Variants in EXOC6 observed in about 807,000 individuals in gnomAD.
The protein encoded by EXOC6 is SEC15-like 1.
A neutral mutation model predicts 112.5 loss-of-function variants in EXOC6; 60 were observed. That is an observed-to-expected ratio of 0.53 (90% CI 0.43 to 0.66). The LOEUF (loss-of-function observed/expected upper bound fraction) is 0.66. Ranked by LOEUF, EXOC6 falls within the 30% of genes least tolerant of loss-of-function variation. EXOC6 has a pLI of 0.00. For missense variants in EXOC6, 855 were observed against 957.1 expected, an observed-to-expected ratio of 0.89 and a Z score of 1.41; for synonymous variants, 295 against 308.0, an observed-to-expected ratio of 0.96 and a Z score of 0.44.
upstream of EXOC6, among the ~76,000 whole-genome samples, chr10:92,846,640 A>G (rs1476249277): frequency 1.3e-5 from 2 of 152,244 alleles, no homozygotes; most frequent in African/African-American, 2.4e-5. Flanking sequence ...ATGGATGTGT[A>G]TAGCTGGAAT....
chr10:92,845,932 CTG>C (rs896290312), upstream of EXOC6, among the ~76,000 whole-genome samples: 2 of 152,230 alleles, frequency 1.3e-5, no homozygotes, highest in Non-Finnish European at 2.9e-5. Context: ...AAGCGAAACT[CTG>C]TCTCGAAAAA....
upstream of EXOC6, among the ~76,000 whole-genome samples, chr10:92,846,705 T>C (rs1747812058): frequency 6.6e-6 from 1 of 152,236 alleles, no homozygotes; most frequent in African/African-American, 2.4e-5. Flanking sequence ...CAATGTTTTA[T>C]AGGGCCCTTC....
intron 1 of EXOC6, among the ~76,000 whole-genome samples, chr10:92,867,112 A>G (rs1848211995): frequency 6.6e-6 from 1 of 152,142 alleles, no homozygotes; most frequent in Non-Finnish European, 1.5e-5. Context: ...CAAGAGATGT[A>G]AGAGTCACAG....
chr10:93,014,566 A>C (rs928842876), intron 20 of EXOC6, among the ~76,000 whole-genome samples: 1 of 152,172 alleles, frequency 6.6e-6, no homozygotes, highest in African/African-American at 2.4e-5. Context: ...TTGATGTTCA[A>C]ATTATTTCTT....
intron 4 of EXOC6, among the ~76,000 whole-genome samples, chr10:92,896,005 A>G (rs1309855787): frequency 1.4e-5 from 2 of 142,642 alleles, no homozygotes; most frequent in Non-Finnish European, 1.5e-5. Flanking sequence ...TATTATATAT[A>G]TATGTGTATA....
intron 21 of EXOC6, 92 bp from the exon 22 acceptor site, chr10:93,058,131 G>A: frequency 8.7e-7 from 1 of 1,146,772 alleles, no homozygotes; most frequent in South Asian, 1.4e-5. Flanking sequence ...GATTAGTGTG[G>A]GATAATTCAG....
At chr10:92,973,478 G>T (rs1842376189) in intron 17 of EXOC6, among the ~76,000 whole-genome samples, 1 of 152,304 alleles carries the variant, frequency 6.6e-6, no homozygotes, top group Admixed American at 6.5e-5. Context: ...GACAATTTTT[G>T]ATAAGTTTTC....
intron 18 of EXOC6, among the ~76,000 whole-genome samples, chr10:92,980,826 A>G (rs546442279): frequency 6.6e-6 from 1 of 152,300 alleles, no homozygotes; most frequent in African/African-American, 2.4e-5. Flanking sequence ...ATAGCCAAGT[A>G]TAAAGAAGGA....
intron 18 of EXOC6, among the ~76,000 whole-genome samples, chr10:92,975,632 G>T (rs1842532328): frequency 7.6e-6 from 1 of 132,078 alleles, no homozygotes; most frequent in Non-Finnish European, 1.6e-5. Flanking sequence ...TCAGCCCCCT[G>T]CCCGGCCAGC....
chr10:92,831,600 A>AT (rs1286999623), upstream of EXOC6, among the ~76,000 whole-genome samples: 1 of 151,684 alleles, frequency 6.6e-6, no homozygotes, highest in Non-Finnish European at 1.5e-5. Flanking sequence ...TGCCTGGCTA[A>AT]TTTTTTGTAT....
intron 18 of EXOC6, among the ~76,000 whole-genome samples, chr10:92,994,567 G>C (rs1360046656): frequency 1.3e-5 from 2 of 152,004 alleles, no homozygotes; most frequent in Non-Finnish European, 2.9e-5. Flanking sequence ...TTCAGATGAG[G>C]GCAAGAGAAA....
At chr10:92,906,442 G>T (rs1367053210) in intron 5 of EXOC6, among the ~76,000 whole-genome samples, 1 of 152,146 alleles carries the variant, frequency 6.6e-6, no homozygotes, top group Non-Finnish European at 1.5e-5. Flanking sequence ...AATGAAGTAA[G>T]AACAGTGGCA....
At chr10:92,892,233 C>A (rs746367332) in intron 1 of EXOC6, among the ~76,000 whole-genome samples, 4 of 152,110 alleles carry the variant, frequency 2.6e-5, no homozygotes, top group Non-Finnish European at 5.9e-5. Flanking sequence ...CAAAAACTTT[C>A]AAAAAACTAC....
intron 1 of EXOC6, among the ~76,000 whole-genome samples, chr10:92,888,011 A>G (rs556631589): frequency 2.8e-4 from 42 of 152,308 alleles, no homozygotes; most frequent in African/African-American, 1.0e-3. Flanking sequence ...CTGGAATAGC[A>G]AATGGTTATC....
chr10:92,968,742 T>C (rs1282694417), intron 17 of EXOC6, among the ~76,000 whole-genome samples: 1 of 152,214 alleles, frequency 6.6e-6, no homozygotes, highest in Non-Finnish European at 1.5e-5. Context: ...TTTGTTTTAA[T>C]TATAGAAGCT....
At chr10:92,985,325 G>C (rs1312118403) in intron 18 of EXOC6, among the ~76,000 whole-genome samples, 1 of 152,060 alleles carries the variant, frequency 6.6e-6, no homozygotes, top group African/African-American at 2.4e-5. Context: ...CTAATGCACA[G>C]CTGGCTCCAA....
chr10:93,057,445 T>G (rs1846599661), intron 21 of EXOC6, among the ~76,000 whole-genome samples: 1 of 152,102 alleles, frequency 6.6e-6, no homozygotes, highest in Non-Finnish European at 1.5e-5. Context: ...GGACTTGGAT[T>G]CTTTGCAGGT....
intron 17 of EXOC6, among the ~76,000 whole-genome samples, chr10:92,973,703 A>G (rs1842386404): frequency 6.6e-6 from 1 of 152,180 alleles, no homozygotes; most frequent in Admixed American, 6.5e-5. Context: ...GGGGTTAGAT[A>G]GAGGTGGTCT....
intron 20 of EXOC6, among the ~76,000 whole-genome samples, chr10:93,019,663 C>CA (rs1363423475): frequency 2.6e-5 from 4 of 151,846 alleles, no homozygotes; most frequent in Non-Finnish European, 5.9e-5. Flanking sequence ...AGTTTAAAAA[C>CA]AAAAAAACAA....
Sources: gnomAD v4.1 joint callset for allele counts (sites outside exome capture counted in the v4.1 genomes callset) on GRCh38, gnomAD v4.1.1 for gene constraint, MANE v1.5 for transcripts, NCBI Gene and HGNC (gene_info 2026-07-23, HGNC 2026-07-21) for gene names.